The following SEPTIN10 variants were observed in gnomAD, a reference collection of about 807,000 sequenced individuals.
SEPTIN10 encodes septin-10.
A neutral mutation model predicts 54.8 loss-of-function variants in SEPTIN10; 66 were observed. The observed-to-expected ratio is 1.21, with a 90% CI of 0.99 to 1.48. The LOEUF is 1.48. Ranked by LOEUF, SEPTIN10 falls within the 40% of genes most tolerant of loss-of-function variation. SEPTIN10 has a pLI of 0.00. For synonymous variants in SEPTIN10, 161 were observed against 181.0 expected, an observed-to-expected ratio of 0.89 and a Z score of 0.89; for missense variants, 620 against 545.6, an observed-to-expected ratio of 1.14 and a Z score of -1.36.
intron 4 of SEPTIN10, among the ~76,000 whole-genome samples, chr2:109,581,710 GA>G (rs1197653666): frequency 6.6e-6 from 1 of 151,974 alleles, no homozygotes; most frequent in Non-Finnish European, 1.5e-5. Flanking sequence ...AAGTTAATGA[GA>G]AAAAACAAGT....
At chr2:109,613,026 T>G in intron 1 of SEPTIN10, 1 of 521,338 alleles carries the variant, frequency 1.9e-6, no homozygotes, top group African/African-American at 1.9e-5. Context: ...ACCACCAATG[T>G]TTACTATCAA....
In SEPTIN10 at chr2:109,546,299, G is replaced by A. The variant is rs77718365; in HGVS notation, c.1162-62C>T. 10,136 of 1,143,888 alleles carry A rather than the reference G, an allele frequency of 8.9e-3. 1,191 individuals are homozygous for A. In the East Asian group the frequency reaches 0.24, roughly 27 times the overall value. The allele number at this position is 1,143,888 out of a possible 1,614,324, so 70.9% of individuals were successfully genotyped here. A position where few individuals can be genotyped will look rare whatever the true frequency, so the allele number is the denominator to read the frequency against. ...CGCGGCAGCAGAGGCACGCTCTCCAGCTCAGCAACACAAAGGCGGACCCCA... is the reference window on the plus strand; with the variant it reads ...CGCGGCAGCAGAGGCACGCTCTCCAACTCAGCAACACAAAGGCGGACCCCA... On this transcript the variant is annotated intron_variant, in intron 9 of 10. Coordinates refer to ENST00000397712, the MANE Select transcript of SEPTIN10 (RefSeq NM_144710.5).
At chr2:109,559,471 G>C (rs1212382279) in intron 8 of SEPTIN10, among the ~76,000 whole-genome samples, 2 of 152,202 alleles carry the variant, frequency 1.3e-5, no homozygotes, top group Non-Finnish European at 2.9e-5. Context: ...CTAAGCTGAA[G>C]AATCTCCCTT....
At chr2:109,578,371 A>G (rs528947213) in intron 4 of SEPTIN10, among the ~76,000 whole-genome samples, 1 of 152,356 alleles carries the variant, frequency 6.6e-6, no homozygotes, top group East Asian at 1.9e-4. Flanking sequence ...AAAGCTGCAG[A>G]CAATACTGAC....
In SEPTIN10 at chr2:109,553,157, T is replaced by C; in HGVS notation, c.1091A>G (p.Glu364Gly). 6.2e-7 allele frequency: 1 copy of C among 1,614,164 alleles called. No individual in the cohort carries two copies. Among genetic ancestry groups the C allele is most frequent in the Non-Finnish European group, 8.5e-7 (1 of 1,180,040 alleles). The change falls in exon 9 of 11, where the codon GAA becomes GGA. Residue 364 changes from glutamate to glycine, a missense_variant. Glu to Gly is a moderately conservative substitution (Grantham distance 98). Transcript: ENST00000397712. ...EFHGERQRKE[E>G]EMKQMFVQRV... ...CTGCACAAACATCTGTTTCATTTCTTCTTCCTTCCTCTGACGTTCACCATG... is the reference window on the plus strand; with the variant it reads ...CTGCACAAACATCTGTTTCATTTCTCCTTCCTTCCTCTGACGTTCACCATG...
At chr2:109,593,409 C>CTTTTTTT (rs766138431) in intron 1 of SEPTIN10, among the ~76,000 whole-genome samples, 23,950 of 133,152 alleles carry the variant, frequency 0.18, 3,165 homozygotes, top group Non-Finnish European at 0.26. Context: ...AGAGAAAGAA[C>CTTTTTTT]TTTTTTTTTT....
In SEPTIN10 at chr2:109,610,254, A is replaced by T. The variant is rs141277701; in HGVS notation, c.30+3544T>A. 5.4e-3 allele frequency among the ~76,000 whole-genome samples: 819 copies of T among 152,132 alleles called. 5 individuals are homozygous for T. The highest frequency in any genetic ancestry group is 0.018 in the African/African-American group (766 of 41,516). On this transcript the variant is annotated intron_variant, in intron 1 of 10. Transcript: ENST00000397712. Reference sequence around the variant, plus strand: ...CAGGCGCATGCCACCAAGCCCAGCTAATTTCCTGTATTTTTAGCAGAGATG... The same window carrying T: ...CAGGCGCATGCCACCAAGCCCAGCTTATTTCCTGTATTTTTAGCAGAGATG...
chr2:109,610,085 T>A (rs1698914612), intron 1 of SEPTIN10, among the ~76,000 whole-genome samples: 1 of 149,236 alleles, frequency 6.7e-6, no homozygotes, highest in Non-Finnish European at 1.5e-5. Flanking sequence ...ACACTAAACT[T>A]CCCTGAGGTG....
At chr2:109,571,983 T>G (rs924336477) in intron 5 of SEPTIN10, among the ~76,000 whole-genome samples, 7 of 152,252 alleles carry the variant, frequency 4.6e-5, no homozygotes, top group African/African-American at 1.7e-4. Context: ...CAATAAACTG[T>G]GCCTGTTAAT....
At chr2:109,555,299 T>G (rs1356744565) in intron 8 of SEPTIN10, among the ~76,000 whole-genome samples, 1 of 152,216 alleles carries the variant, frequency 6.6e-6, no homozygotes, top group Non-Finnish European at 1.5e-5. Context: ...TGATATCCTA[T>G]CCTCAGGTTT....
intron 9 of SEPTIN10, among the ~76,000 whole-genome samples, chr2:109,548,015 C>T (rs1458378712): frequency 6.6e-6 from 1 of 152,090 alleles, no homozygotes; most frequent in East Asian, 1.9e-4. Context: ...TTTATACCCC[C>T]AGCACAGCAC....
intron 2 of SEPTIN10, among the ~76,000 whole-genome samples, chr2:109,587,867 C>G (rs1280629848): frequency 1.3e-5 from 2 of 151,170 alleles, no homozygotes; most frequent in African/African-American, 2.4e-5. Context: ...GAGCTGAGAT[C>G]GCACCACTGC....
intron 4 of SEPTIN10, among the ~76,000 whole-genome samples, chr2:109,582,811 T>C (rs1691537093): frequency 1.3e-5 from 2 of 152,112 alleles, no homozygotes; most frequent in African/African-American, 2.4e-5. Context: ...GACAGCATGG[T>C]TGTGGTATAA....
In SEPTIN10 at chr2:109,561,067, T is replaced by A. The variant is rs182831041; in HGVS notation, c.1028+3299A>T. ...ATATTATTCCTAAAATAGCGTTGCC[T>A]TCCCCTTAGGACAAAGATCAAAATC... On this transcript the variant is annotated intron_variant, in intron 8 of 10. Coordinates refer to ENST00000397712, the MANE Select transcript of SEPTIN10 (RefSeq NM_144710.5). Among the ~76,000 whole-genome samples the A allele has an allele frequency of 4.8e-3, 726 of 150,852 alleles. 5 individuals are homozygous for A. Among genetic ancestry groups the A allele is most frequent in the Non-Finnish European group, 5.6e-3 (380 of 68,034 alleles).
chr2:109,599,563 C>T (rs898898486), intron 1 of SEPTIN10, among the ~76,000 whole-genome samples: 13 of 152,076 alleles, frequency 8.5e-5, no homozygotes, highest in African/African-American at 2.7e-4. Context: ...GCATATCCTC[C>T]GGAGGGTGTC....
At position 109,561,523 on chromosome 2, in the gene SEPTIN10, T is replaced by C. The variant is rs536197212; in HGVS notation, c.1028+2843A>G. Among the ~76,000 whole-genome samples, 21 of 152,308 alleles carry C rather than the reference T, an allele frequency of 1.4e-4. No homozygotes were observed. The South Asian group carries it at 4.4e-3, about 32-fold the overall frequency. On this transcript the variant is annotated intron_variant, in intron 8 of 10. Coordinates refer to ENST00000397712, the MANE Select transcript of SEPTIN10 (RefSeq NM_144710.5). ...CCTTTTAAAAAAATACTTAAGATTT[T>C]ACCCAGTATTATTCACTGCTGACTC...
rs1692243034 is a variant in SEPTIN10, at chr2:109,585,318, T to A, written c.221A>T (p.Glu74Val). 1 of 1,597,286 alleles carries A rather than the reference T, an allele frequency of 6.3e-7. No individual in the cohort carries two copies. The highest frequency in any genetic ancestry group is 1.7e-5 in the Admixed American group (1 of 57,246). Residue 74 changes from glutamate (E) to valine (V), a missense_variant, in exon 4 of 11, where the codon GAA becomes GTA. Physicochemically the swap from Glu to Val is moderately radical, Grantham distance 121. Transcript: ENST00000397712. ...GFCFNILCVG[E>V]TGIGKSTLID... ...CAGTGTTGATTTTCCAATTCCAGTT[T>A]CCCCTGAAACACACAAAGGTACATC...
In SEPTIN10 at chr2:109,574,686, A is replaced by G. The variant is rs1403983320; in HGVS notation, c.495T>C (p.Phe165=). ...QEELKIKRSL[F]TYHDSRIHVC... is the part of the protein sequence containing the mutation. ...CATGGATGCGAGAATCATGGTAGGT[A>G]AAGAGAGAACGCTTAATCTTCAGTT... Residue 165 remains phenylalanine, a synonymous_variant, in exon 5 of 11, where the codon TTT becomes TTC. Coordinates refer to ENST00000397712, the MANE Select transcript of SEPTIN10 (RefSeq NM_144710.5). The G allele has an allele frequency of 6.2e-7, 1 of 1,610,302 alleles. No individual in the cohort carries two copies. Among genetic ancestry groups the G allele is most frequent in the Admixed American group, 1.7e-5 (1 of 59,448 alleles).
Position 109,564,551 on chromosome 2 carries a change from A to T in SEPTIN10, c.860-17T>A, listed in dbSNP as rs746999897. 20 of 1,474,708 alleles carry T rather than the reference A, an allele frequency of 1.4e-5. No homozygotes were observed. Among genetic ancestry groups the T allele is most frequent in the Non-Finnish European group, 1.5e-5 (17 of 1,101,774 alleles). 91.4% of individuals were successfully genotyped at this position (1,474,708 alleles called of 1,614,324 possible). On this transcript the variant is annotated splice_polypyrimidine_tract_variant and intron_variant, in intron 7 of 10. Coordinates refer to ENST00000397712, the MANE Select transcript of SEPTIN10 (RefSeq NM_144710.5). ...CATTTTCCACTAGCCAAAAAAAAATAAGAAAAGAACAACACTGGATTTTAA... is the reference window on the plus strand; with the variant it reads ...CATTTTCCACTAGCCAAAAAAAAATTAGAAAAGAACAACACTGGATTTTAA...
Sources: allele counts gnomAD v4.1 joint callset (sites outside exome capture counted in the v4.1 genomes callset), GRCh38; gene constraint gnomAD v4.1.1; transcripts MANE v1.5; gene names NCBI Gene and HGNC (gene_info 2026-07-23, HGNC 2026-07-21).